GPX3: variants seen among roughly 807,000 people sequenced by gnomAD.
The protein encoded by GPX3 is glutathione peroxidase 3, also known as GPx-3.
GPX3 carries 22 observed loss-of-function variants against 25.1 expected under a neutral mutation model. The ratio of observed to expected loss-of-function variants is 0.88; its 90% confidence interval spans 0.63 to 1.25. The LOEUF (loss-of-function observed/expected upper bound fraction) is 1.25, where lower values mean the gene tolerates loss of function less well. Among genes scored for constraint, GPX3 ranks in the 50% most tolerant of loss-of-function variants. The pLI is 0.00. For missense variants in GPX3, 278 were observed against 286.6 expected (o/e 0.97, Z 0.22); for synonymous variants, 110 against 114.5 (o/e 0.96, Z 0.25).
At chr5:151,026,625 T>A (rs572949224) in intron 2 of GPX3, 2 of 366,272 alleles carry the variant, frequency 5.5e-6, no homozygotes, top group Admixed American at 8.8e-5. Context: ...CTGGCCCAGG[T>A]GGAGGGCCTT....
At chr5:151,021,901 CTT>C (rs1756482807) in intron 1 of GPX3, 1 of 152,222 alleles carries the variant, frequency 6.6e-6, no homozygotes, top group Non-Finnish European at 1.5e-5. Flanking sequence ...TGGGTCTTCA[CTT>C]TAATTAAGTT....
At chr5:151,026,871 C>G (rs1194271012) in intron 2 of GPX3, 29 bp from the exon 3 acceptor site, 19 of 1,528,860 alleles carry the variant, frequency 1.2e-5, no homozygotes, top group Non-Finnish European at 1.7e-5. Flanking sequence ...CCAGGATACT[C>G]CCACATCTGC....
Position 151,020,659 on chromosome 5 carries a change from C to T in GPX3, c.5C>T (p.Ala2Val). Residue 2 changes from alanine (A) to valine (V), a missense_variant, in exon 1 of 5, where the codon GCC becomes GTC. By Grantham distance (64) the Ala-to-Val change is moderately conservative. Coordinates refer to ENST00000388825, the MANE Select transcript of GPX3 (RefSeq NM_002084.5). The stretch of plus-strand genomic sequence containing the variant: ...TGAGTGTGCCCCCACCCCGCCATGG[C>T]CCGGCTGCTGCAGGCGTCCTGCCTG... M[A>V]RLLQASCLLS... The T allele has an allele frequency of 5.0e-6, 8 of 1,608,288 alleles. No homozygotes were observed. Among genetic ancestry groups the T allele is most frequent in the Non-Finnish European group, 6.8e-6 (8 of 1,178,076 alleles).
chr5:151,025,481 G>T lies in GPX3; in HGVS notation c.229G>T (p.Gly77Cys). Residue 77 changes from glycine (G) to cysteine (C), a missense_variant, in exon 2 of 5, where the codon GGC (glycine) becomes TGC (cysteine). Gly to Cys is a radical substitution (Grantham distance 159, BLOSUM62 -3). Coordinates refer to ENST00000388825, the MANE Select transcript of GPX3 (RefSeq NM_002084.5). ...CGTGGCCAGCTACTGAGGCCTGACG[G>T]GCCAGTACATTGGTAAGAGCCCACC... The part of the protein sequence containing the change: ...VNVASYUGLT[G>C]QYIELNALQE... The T allele has an allele frequency of 6.2e-7, 1 of 1,608,746 alleles. No individual in the cohort carries two copies. The highest frequency in any genetic ancestry group is 8.5e-7 in the Non-Finnish European group (1 of 1,177,738).
intron 3 of GPX3, among the ~76,000 whole-genome samples, 156 bp downstream of exon 3, chr5:151,027,173 GAGA>G (rs1337599551): frequency 1.3e-5 from 2 of 152,192 alleles, no homozygotes; most frequent in African/African-American, 4.8e-5. Context: ...ACAAGAGAGG[GAGA>G]AGGACAGGGA....
rs368081198 is a variant in GPX3 at position 151,021,352 on chromosome 5, C to T, written c.87+611C>T. 12 of 153,076 alleles carry T rather than the reference C, an allele frequency of 7.8e-5. No homozygotes were observed. In the South Asian group the frequency reaches 2.0e-3, roughly 25 times the overall value. 9.5% of individuals were successfully genotyped at this position (153,076 alleles called of 1,614,324 possible). A position where few individuals can be genotyped will look rare whatever the true frequency, so the allele number is the denominator to read the frequency against. ...AGTGACAGTGCAGAACACTCAGGAC[C>T]CTGAGTCCTTACCTGCTCCTGGACC... On this transcript the variant is annotated intron_variant, in intron 1 of 4. Coordinates refer to ENST00000388825, the MANE Select transcript of GPX3 (RefSeq NM_002084.5).
intron 1 of GPX3, among the ~76,000 whole-genome samples, chr5:151,023,519 C>T (rs1262089375): frequency 6.6e-6 from 1 of 152,104 alleles, no homozygotes; most frequent in Non-Finnish European, 1.5e-5. Flanking sequence ...GAAACTGTGC[C>T]CAGAAGCTGG....
intron 1 of GPX3, 75 bp downstream of exon 1, chr5:151,020,816 C>A: frequency 1.5e-6 from 2 of 1,345,024 alleles, no homozygotes; most frequent in Non-Finnish European, 2.1e-6. Flanking sequence ...TGCAATGCAC[C>A]CCTTTTCCCA....
Position 151,028,145 on chromosome 5 carries a change from A to G in GPX3, c.*15A>G, listed in dbSNP as rs1412267312. ...AGAGGAAGTAACTGAAGGCCGTCTC[A>G]TCCCATGTCCACCATGTAGGGGAGG... On this transcript the variant is annotated 3_prime_UTR_variant, in exon 5 of 5. Transcript: ENST00000388825. 1 of 1,552,228 alleles carries G rather than the reference A, an allele frequency of 6.4e-7. No individual in the cohort carries two copies.
At chr5:151,020,947 G>C (rs1756466106) in intron 1 of GPX3, 1 of 665,674 alleles carries the variant, frequency 1.5e-6, no homozygotes, top group East Asian at 2.8e-5. Context: ...ATCTGTTGGA[G>C]AGCCGAGACC....
At chr5:151,026,750 T>C in intron 2 of GPX3, 150 bp from the exon 3 acceptor site, 1 of 646,168 alleles carries the variant, frequency 1.5e-6, no homozygotes, top group Non-Finnish European at 2.8e-6. Context: ...CCAGCATTGC[T>C]GTGAACTCAC....
chr5:151,026,082 C>T (rs1247768894), intron 2 of GPX3, among the ~76,000 whole-genome samples: 2 of 152,118 alleles, frequency 1.3e-5, no homozygotes, highest in African/African-American at 4.8e-5. Flanking sequence ...AAGCTATTAG[C>T]GGTGGAATGG....
At chr5:151,027,600 C>A in intron 4 of GPX3, 69 bp downstream of exon 4, 2 of 966,676 alleles carry the variant, frequency 2.1e-6, no homozygotes, top group Non-Finnish European at 3.3e-6. Context: ...AGCGTCAGGG[C>A]CCATGCCACC....
At chr5:151,027,102 T>C in intron 3 of GPX3, 85 bp downstream of exon 3, 1 of 901,040 alleles carries the variant, frequency 1.1e-6, no homozygotes, top group South Asian at 1.5e-5. Flanking sequence ...TGGACATTTA[T>C]CGGCCACCAA....
At position 151,025,501 on chromosome 5, in the gene GPX3, C is replaced by A; in HGVS notation, c.241+8C>A. The A allele has an allele frequency of 6.3e-7, 1 of 1,589,652 alleles. No homozygotes were observed. On this transcript the variant is annotated splice_region_variant and intron_variant, in intron 2 of 4. Coordinates refer to ENST00000388825, the MANE Select transcript of GPX3 (RefSeq NM_002084.5). Reference sequence around the variant, plus strand: ...TGACGGGCCAGTACATTGGTAAGAGCCCACCCTTCCTCCCTGCTTTATTTG... The same window carrying A: ...TGACGGGCCAGTACATTGGTAAGAGACCACCCTTCCTCCCTGCTTTATTTG...
At position 151,025,738 on chromosome 5, in the gene GPX3, C is replaced by A. The variant is rs568719282; in HGVS notation, c.241+245C>A. 2.6e-5 allele frequency among the ~76,000 whole-genome samples: 4 copies of A among 152,208 alleles called. No individual in the cohort carries two copies. In the South Asian group the frequency reaches 8.3e-4, roughly 32 times the overall value. Reference sequence around the variant, plus strand: ...TTCATCTCTGGGCACCTCAACAACCCTAAAGGCAGAGGGATAGAGATTAGG... The same window carrying A: ...TTCATCTCTGGGCACCTCAACAACCATAAAGGCAGAGGGATAGAGATTAGG... On this transcript the variant is annotated intron_variant, in intron 2 of 4. Coordinates refer to ENST00000388825, the MANE Select transcript of GPX3 (RefSeq NM_002084.5).
At position 151,020,600 on chromosome 5, in the gene GPX3, G is replaced by A. The variant is rs775612496; in HGVS notation, c.-55G>A. Reference sequence around the variant, plus strand: ...GAGCGCCGGACACCTCAGACGGACGGTGGCCAGGGATCAGGCAGCGGCTCA... The same window carrying A: ...GAGCGCCGGACACCTCAGACGGACGATGGCCAGGGATCAGGCAGCGGCTCA... On this transcript the variant is annotated 5_prime_UTR_variant, in exon 1 of 5. The change creates a new upstream start codon in the 5' untranslated region. Coordinates refer to ENST00000388825, the MANE Select transcript of GPX3 (RefSeq NM_002084.5). 1.8e-4 allele frequency: 266 copies of A among 1,477,756 alleles called. No individual in the cohort carries two copies. Among genetic ancestry groups the A allele is most frequent in the Non-Finnish European group, 2.3e-4 (245 of 1,087,678 alleles). The allele number at this position is 1,477,756 out of a possible 1,614,324, so 91.5% of individuals were successfully genotyped here.
intron 1 of GPX3, among the ~76,000 whole-genome samples, chr5:151,024,479 C>T (rs927247322): frequency 6.6e-6 from 1 of 152,092 alleles, no homozygotes; most frequent in African/African-American, 2.4e-5. Context: ...AATGAGGAAA[C>T]TCAGGTCCGA....
At chr5:151,027,408 C>A (rs377659788) in intron 3 of GPX3, 24 bp from the exon 4 acceptor site, 20 of 1,513,320 alleles carry the variant, frequency 1.3e-5, no homozygotes, top group Non-Finnish European at 1.7e-5. Flanking sequence ...TCCTTGGGAC[C>A]CACCTAAGAA....
Sources: allele counts gnomAD v4.1 joint callset (sites outside exome capture counted in the v4.1 genomes callset), GRCh38; gene constraint gnomAD v4.1.1; transcripts MANE v1.5; gene names NCBI Gene and HGNC (gene_info 2026-07-23, HGNC 2026-07-21).